Variants in BLMH observed in about 807,000 individuals in gnomAD.
BLMH encodes the protein BLM hydrolase.
In BLMH, 32 loss-of-function variants were observed where a neutral mutation model predicts 61.6. That is an observed-to-expected ratio of 0.52 (90% CI 0.39 to 0.70). The LOEUF is 0.70. Among genes scored for constraint, BLMH ranks in the 30% least tolerant of loss-of-function variants. The pLI is 0.00. For missense variants in BLMH, 460 were observed against 555.5 expected (o/e 0.83, Z 1.73); for synonymous variants, 183 against 193.8 (o/e 0.94, Z 0.46).
At chr17:30,268,743 A>G (rs565754636) in intron 10 of BLMH, among the ~76,000 whole-genome samples, 2 of 152,156 alleles carry the variant, frequency 1.3e-5, no homozygotes, top group Non-Finnish European at 2.9e-5. Context: ...CAAACAAACA[A>G]AACAAATTCT....
chr17:30,275,268 G>A (rs1253085682), intron 6 of BLMH, among the ~76,000 whole-genome samples: 1 of 151,908 alleles, frequency 6.6e-6, no homozygotes, highest in Admixed American at 6.6e-5. Flanking sequence ...TAATTTTTTG[G>A]GTTGTGAGAC....
chr17:30,286,980 A>C, intron 4 of BLMH, 78 bp from the exon 5 acceptor site: 1 of 904,018 alleles, frequency 1.1e-6, no homozygotes, highest in Non-Finnish European at 1.7e-6. Flanking sequence ...GTTTCAAAAA[A>C]TAGGCGATAT....
At chr17:30,285,258 A>G (rs1235297039) in intron 6 of BLMH, 130 bp downstream of exon 6, 6 of 668,010 alleles carry the variant, frequency 9.0e-6, no homozygotes, top group Non-Finnish European at 1.5e-5. Flanking sequence ...TTCAGTGTAA[A>G]ATAAGTAATT....
Position 30,272,809 on chromosome 17 carries a change from T to C in BLMH, c.892A>G (p.Thr298Ala). ...TCAATGGGCTGGTTGTTGTATAGAGTTTTTCTCCCTCCAACCATATTGCTT... is the reference window on the plus strand; with the variant it reads ...TCAATGGGCTGGTTGTTGTATAGAGCTTTTCTCCCTCCAACCATATTGCTT... ...YLSNMVGGRK[T>A]LYNNQPIDFL... Residue 298 changes from threonine to alanine, a missense_variant, in exon 8 of 12, where the codon ACT (threonine) becomes GCT (alanine). By Grantham distance (58) the Thr-to-Ala change is moderately conservative. Transcript: ENST00000261714. The C allele has an allele frequency of 6.2e-7, 1 of 1,613,816 alleles. No individual in the cohort carries two copies. Among genetic ancestry groups the C allele is most frequent in the Non-Finnish European group, 8.5e-7 (1 of 1,179,976 alleles).
At chr17:30,270,784 C>G (rs1908247551) in intron 10 of BLMH, among the ~76,000 whole-genome samples, 1 of 152,108 alleles carries the variant, frequency 6.6e-6, no homozygotes, top group Non-Finnish European at 1.5e-5. Flanking sequence ...ACAGGAAATT[C>G]AAAATACTTT....
At position 30,272,916 on chromosome 17, in the gene BLMH, C is replaced by T; in HGVS notation, c.802-17G>A. 6.2e-7 allele frequency: 1 copy of T among 1,611,634 alleles called. No homozygotes were observed. The highest frequency in any genetic ancestry group is 8.5e-7 in the Non-Finnish European group (1 of 1,178,922). On this transcript the variant is annotated splice_polypyrimidine_tract_variant and intron_variant, in intron 7 of 11. Transcript: ENST00000261714. The stretch of plus-strand genomic sequence containing the variant: ...TAAACAAATCTATCAAGATCAAGAA[C>T]ACATTAATTAGGGCACAAAACCAGG...
At chr17:30,259,627 A>G (rs754617076) in intron 11 of BLMH, among the ~76,000 whole-genome samples, 2 of 152,102 alleles carry the variant, frequency 1.3e-5, no homozygotes, top group Admixed American at 1.3e-4. Flanking sequence ...GGAGCACACC[A>G]TGAATGCCAC....
At chr17:30,277,258 T>C (rs1483700192) in intron 6 of BLMH, among the ~76,000 whole-genome samples, 1 of 152,210 alleles carries the variant, frequency 6.6e-6, no homozygotes, top group African/African-American at 2.4e-5. Flanking sequence ...AGGCAGAGTA[T>C]CACATAAGCA....
At chr17:30,268,253 G>C (rs954582088) in intron 10 of BLMH, among the ~76,000 whole-genome samples, 2 of 151,978 alleles carry the variant, frequency 1.3e-5, no homozygotes, top group African/African-American at 2.4e-5. Flanking sequence ...TTTTCCCCTT[G>C]GCCAATGAAT....
intron 9 of BLMH, 45 bp downstream of exon 9, chr17:30,272,516 C>T: frequency 6.2e-7 from 1 of 1,607,588 alleles, no homozygotes; most frequent in Non-Finnish European, 8.5e-7. Context: ...ACTCCAACAG[C>T]AACAACCCAC....
chr17:30,259,667 C>T (rs1907906079), intron 11 of BLMH, among the ~76,000 whole-genome samples: 1 of 152,160 alleles, frequency 6.6e-6, no homozygotes, highest in Non-Finnish European at 1.5e-5. Flanking sequence ...TCTTCAAATC[C>T]CCTTCCTGTG....
chr17:30,271,193 C>T, intron 10 of BLMH, 78 bp downstream of exon 10: 4 of 1,102,738 alleles, frequency 3.6e-6, no homozygotes, highest in Non-Finnish European at 4.1e-6. Context: ...ATGAATGAAG[C>T]TTTGTTGGGT....
intron 11 of BLMH, among the ~76,000 whole-genome samples, chr17:30,255,481 G>GCTAATCAA (rs1328938014): frequency 1.3e-5 from 2 of 152,056 alleles, no homozygotes; most frequent in African/African-American, 4.8e-5. Flanking sequence ...TCAATATCTG[G>GCTAATCAA]TATACATAAT....
At chr17:30,271,690 G>A (rs925636301) in intron 9 of BLMH, among the ~76,000 whole-genome samples, 5 of 152,098 alleles carry the variant, frequency 3.3e-5, no homozygotes, top group African/African-American at 7.2e-5. Context: ...AAAAAATAAT[G>A]AAAAAAGCGT....
chr17:30,286,387 T>C (rs1008176678), intron 5 of BLMH, among the ~76,000 whole-genome samples: 3 of 152,168 alleles, frequency 2.0e-5, no homozygotes, highest in Admixed American at 6.5e-5. Context: ...ATAAACCACA[T>C]TGATGTGGTC....
intron 11 of BLMH, among the ~76,000 whole-genome samples, chr17:30,257,760 C>A (rs1407379770): frequency 6.6e-6 from 1 of 152,150 alleles, no homozygotes; most frequent in Admixed American, 6.5e-5. Context: ...GTAAGTAAAG[C>A]CAACATCGAA....
At chr17:30,259,950 C>T (rs1907913679) in intron 11 of BLMH, among the ~76,000 whole-genome samples, 1 of 152,132 alleles carries the variant, frequency 6.6e-6, no homozygotes, top group African/African-American at 2.4e-5. Context: ...AACCATGGGG[C>T]AAGTTAGATG....
intron 11 of BLMH, among the ~76,000 whole-genome samples, chr17:30,251,720 G>A (rs1266545048): frequency 2.0e-5 from 3 of 152,214 alleles, no homozygotes; most frequent in Non-Finnish European, 4.4e-5. Context: ...CAAGAGAACG[G>A]AGAAGTAGGT....
intron 2 of BLMH, 59 bp from the exon 3 acceptor site, chr17:30,289,541 A>G (rs1454574396): frequency 5.2e-6 from 6 of 1,155,688 alleles, no homozygotes; most frequent in Middle Eastern, 2.0e-4. Context: ...CACTGCTCCA[A>G]CTGTATTTCC....
Sources: allele counts gnomAD v4.1 joint callset (sites outside exome capture counted in the v4.1 genomes callset), GRCh38; gene constraint gnomAD v4.1.1; transcripts MANE v1.5; gene names NCBI Gene and HGNC (gene_info 2026-07-23, HGNC 2026-07-21).